The following SPATA13 variants were observed in gnomAD, a reference collection of about 807,000 sequenced individuals.
SPATA13 encodes spermatogenesis-associated protein 13.
A neutral mutation model predicts 104.0 loss-of-function variants in SPATA13; 50 were observed. The observed-to-expected ratio is 0.48, with a 90% CI of 0.38 to 0.61. The LOEUF (loss-of-function observed/expected upper bound fraction) is 0.61, where lower values mean the gene tolerates loss of function less well. Ranked by LOEUF, SPATA13 falls within the 20% of genes least tolerant of loss-of-function variation. SPATA13 has a pLI of 0.00. For missense variants in SPATA13, 1,524 were observed against 1,690.6 expected (o/e 0.90, Z 1.73); for synonymous variants, 606 against 667.5 (o/e 0.91, Z 1.42).
chr13:24,017,406 G>GATCTAA (rs1236571110), intron 2 of SPATA13, among the ~76,000 whole-genome samples: 2 of 152,120 alleles, frequency 1.3e-5, no homozygotes, highest in Non-Finnish European at 2.9e-5. Flanking sequence ...CGCACAGTGT[G>GATCTAA]ATCTAAATCT....
At chr13:24,098,619 AAAAG>A (rs71070653) in intron 3 of SPATA13, among the ~76,000 whole-genome samples, 267 of 147,204 alleles carry the variant, frequency 1.8e-3, no homozygotes, top group Middle Eastern at 7.2e-3. Flanking sequence ...GAAGAAGAAG[AAAAG>A]AAAGAAAGAA....
At chr13:24,163,787 A>G (rs1287143526) in intron 1 of SPATA13, among the ~76,000 whole-genome samples, 1 of 152,228 alleles carries the variant, frequency 6.6e-6, no homozygotes, top group Non-Finnish European at 1.5e-5. Flanking sequence ...TCAGGGCTCA[A>G]TGCCTGGCCC....
intron 3 of SPATA13, among the ~76,000 whole-genome samples, chr13:24,041,094 A>G (rs1203702047): frequency 6.6e-6 from 1 of 152,216 alleles, no homozygotes; most frequent in Non-Finnish European, 1.5e-5. Context: ...GCTCTTATCT[A>G]TAGGAACATT....
At chr13:23,981,759 C>T (rs1236544052) in intron 1 of SPATA13, among the ~76,000 whole-genome samples, 1 of 152,206 alleles carries the variant, frequency 6.6e-6, no homozygotes, top group Admixed American at 6.5e-5. Context: ...ATCCAAAAGC[C>T]ACTGCTATGA....
At chr13:23,981,890 CT>C (rs560854449) in intron 1 of SPATA13, among the ~76,000 whole-genome samples, 600 of 152,226 alleles carry the variant, frequency 3.9e-3, no homozygotes, top group African/African-American at 0.014. Context: ...ATGCAATTTT[CT>C]TTTTGGTTGA....
At chr13:24,143,602 C>A (rs534859189) in intron 3 of SPATA13, among the ~76,000 whole-genome samples, 33 of 152,042 alleles carry the variant, frequency 2.2e-4, no homozygotes, top group Non-Finnish European at 3.8e-4. Context: ...TTTTCCCAGG[C>A]TTTCCGACTC....
upstream of SPATA13, among the ~76,000 whole-genome samples, chr13:24,160,161 A>G (rs572775928): frequency 2.0e-5 from 3 of 152,380 alleles, no homozygotes; most frequent in Admixed American, 6.5e-5. Context: ...GGCAGTGGGC[A>G]GTGGGGCACG....
intron 9 of SPATA13, among the ~76,000 whole-genome samples, chr13:24,292,597 A>G (rs1044089173): frequency 1.3e-5 from 2 of 152,206 alleles, no homozygotes; most frequent in African/African-American, 4.8e-5. Flanking sequence ...GGCAAACCAC[A>G]ACAGTTCTGG....
rs148972096 is a variant in SPATA13, at chr13:24,072,224, T to C, written c.-112+54523T>C. On this transcript the variant is annotated intron_variant, in intron 3 of 14. Coordinates refer to the SPATA13 transcript ENST00000424834. ...TACAGAACAAACAATGTAGAATCAATGCTGAAAATTAATTTTTAAAAGCCC... is the reference window on the plus strand; with the variant it reads ...TACAGAACAAACAATGTAGAATCAACGCTGAAAATTAATTTTTAAAAGCCC... Among the ~76,000 whole-genome samples, 551 of 152,338 alleles carry C rather than the reference T, an allele frequency of 3.6e-3. 15 individuals carry two copies. The East Asian group carries it at 0.062, about 17-fold the overall frequency.
chr13:24,271,021 ACTCTCTCTCT>A, intron 4 of SPATA13: 2 of 606,256 alleles, frequency 3.3e-6, no homozygotes, highest in African/African-American at 2.4e-5. Flanking sequence ...ACTCTCTCTC[ACTCTCTCTCT>A]CTCTCTCTCA....
chr13:24,302,978 C>A lies in SPATA13; in HGVS notation c.*205C>A, dbSNP rs1593522507. 12 of 645,440 alleles carry A rather than the reference C, an allele frequency of 1.9e-5. No homozygotes were observed. The East Asian group carries it at 3.4e-4, about 18-fold the overall frequency. 40.0% of individuals were successfully genotyped at this position (645,440 alleles called of 1,614,324 possible). A position where few individuals can be genotyped will look rare whatever the true frequency, so the allele number is the denominator to read the frequency against. On this transcript the variant is annotated 3_prime_UTR_variant, in exon 13 of 13. Transcript: ENST00000382108. The stretch of plus-strand genomic sequence containing the variant: ...TGGAAGGGAGGAGACGGTCATGACA[C>A]AAAGCTTTATCCTACACAGAAACAC...
chr13:24,192,668 G>T (rs1869829430), intron 1 of SPATA13, among the ~76,000 whole-genome samples: 1 of 152,194 alleles, frequency 6.6e-6, no homozygotes, highest in Admixed American at 6.5e-5. Context: ...ACCTGCCCTG[G>T]CCCCAGAGCA....
In SPATA13 at chr13:24,078,669, G is replaced by A. The variant is rs1486027411; in HGVS notation, c.-112+60968G>A. Among the ~76,000 whole-genome samples the A allele has an allele frequency of 2.0e-5, 3 of 152,190 alleles. 1 individual carries two copies. The highest frequency in any genetic ancestry group is 2.9e-5 in the Non-Finnish European group (2 of 68,036). ...ATTTCCCAGTAGGTGTGTTTAGGAA[G>A]CAGTTGTCGCCCTAGTCCATAAAGT... On this transcript the variant is annotated intron_variant, in intron 3 of 14. Transcript: ENST00000424834.
chr13:24,091,662 G>A (rs1370498237), intron 3 of SPATA13, among the ~76,000 whole-genome samples: 2 of 152,164 alleles, frequency 1.3e-5, no homozygotes, highest in Admixed American at 6.5e-5. Flanking sequence ...AATACACAAA[G>A]TAGCTAAGCG....
intron 3 of SPATA13, among the ~76,000 whole-genome samples, chr13:24,128,817 G>T (rs889056560): frequency 1.9e-4 from 28 of 151,200 alleles, no homozygotes; most frequent in Non-Finnish European, 1.5e-5. Flanking sequence ...TAGAATAATC[G>T]CATTGTGCTT....
At chr13:24,079,060 G>C (rs1209161668) in intron 3 of SPATA13, among the ~76,000 whole-genome samples, 2 of 152,208 alleles carry the variant, frequency 1.3e-5, no homozygotes, top group Non-Finnish European at 2.9e-5. Context: ...ATTGGAGAGG[G>C]CTTCTTGGAG....
intron 12 of SPATA13, among the ~76,000 whole-genome samples, chr13:24,301,929 A>C (rs1293333315): frequency 6.6e-6 from 1 of 152,216 alleles, no homozygotes. Flanking sequence ...TAGGTACTGT[A>C]ATCCCCGTTT....
chr13:24,112,493 T>G (rs4129558), intron 3 of SPATA13, among the ~76,000 whole-genome samples: 6,927 of 152,258 alleles, frequency 0.045, 458 homozygotes, highest in East Asian at 0.31. Context: ...ATTCTCATGC[T>G]CAGCCACGGA....
intron 2 of SPATA13, among the ~76,000 whole-genome samples, chr13:24,015,092 C>T (rs1370096795): frequency 6.6e-6 from 1 of 151,954 alleles, no homozygotes; most frequent in African/African-American, 2.4e-5. Context: ...CAGGGTTTCA[C>T]CGTGTTAGGC....
Sources: allele counts gnomAD v4.1 joint callset (sites outside exome capture counted in the v4.1 genomes callset), GRCh38; gene constraint gnomAD v4.1.1; transcripts MANE v1.5; gene names NCBI Gene and HGNC (gene_info 2026-07-23, HGNC 2026-07-21).